Variants in RGL2 observed in about 807,000 individuals in gnomAD.
RGL2 encodes ral guanine nucleotide dissociation stimulator like 2.
In RGL2, 40 loss-of-function variants were observed where a neutral mutation model predicts 84.6. The observed-to-expected ratio is 0.47, with a 90% CI of 0.37 to 0.62. The LOEUF (loss-of-function observed/expected upper bound fraction) is 0.62, where lower values mean the gene tolerates loss of function less well. RGL2 is among the 20% of genes least tolerant of loss of function. The pLI is 0.00. For synonymous variants in RGL2, 369 were observed against 417.3 expected (o/e 0.88, Z 1.41); for missense variants, 865 against 1,019.7 (o/e 0.85, Z 2.07).
At position 33,298,166 on chromosome 6, in the gene RGL2, G is replaced by A. The variant is rs1434138807; in HGVS notation, c.156+289C>T. 5.8e-6 allele frequency: 2 copies of A among 343,982 alleles called. No individual in the cohort carries two copies. The highest frequency in any genetic ancestry group is 1.1e-5 in the Non-Finnish European group (2 of 185,342). 21.3% of individuals were successfully genotyped at this position (343,982 alleles called of 1,614,324 possible). On this transcript the variant is annotated intron_variant, in intron 2 of 17. Coordinates refer to ENST00000497454, the MANE Select transcript of RGL2 (RefSeq NM_004761.5). This position sits in a 1 kb window ranked among gnomAD's most constrained non-coding sequence, Gnocchi z 4.8. ...CAAGACACGACTGCTCAGAGAGGTA[G>A]GCACACTCAGGCAGGCAGAGGTGGA...
At position 33,296,314 on chromosome 6, in the gene RGL2, G is replaced by A. The variant is rs1767948407; in HGVS notation, c.482C>T (p.Ser161Phe). Residue 161 changes from serine (S) to phenylalanine (F), a missense_variant, in exon 6 of 18, where the codon TCT (serine) becomes TTT (phenylalanine). By Grantham distance (155) the Ser-to-Phe change is radical. This residue lies in a region of RGL2 where 455 missense variants were observed against 507.8 expected (regional missense o/e 0.90). Coordinates refer to ENST00000497454, the MANE Select transcript of RGL2 (RefSeq NM_004761.5). The surrounding 1 kb of genome is among the most constrained non-coding windows in gnomAD (Gnocchi z 5.0). ...ELERTTEVAI[S>F]VLSTWLASHP... ...AGAGGCCAGCCAGGTTGACAGTACA[G>A]AGATGGCTACCCTGGGAGAAGGGAA... is the stretch of plus-strand genomic sequence containing the variant. The A allele has an allele frequency of 5.0e-6, 8 of 1,611,942 alleles. No individual in the cohort carries two copies. The highest frequency in any genetic ancestry group is 6.8e-6 in the Non-Finnish European group (8 of 1,178,684).
Position 33,293,477 on chromosome 6 carries a change from C to T in RGL2, c.1652G>A (p.Arg551Gln), listed in dbSNP as rs757259333. Residue 551 changes from arginine (R) to glutamine (Q), a missense_variant, in exon 15 of 18, where the codon CGG becomes CAG. Physicochemically the swap from Arg to Gln is conservative, Grantham distance 43. Coordinates refer to ENST00000497454, the MANE Select transcript of RGL2 (RefSeq NM_004761.5). The surrounding 1 kb of genome is among the most constrained non-coding windows in gnomAD (Gnocchi z 7.0). ...CGCCTCATCTCCCCCAGTACTGGGC[C>T]GGTCACAGGACACAAGCGGGGTAGG... ...GVPTPLVSCD[R>Q]PSTGGDEAPT... The T allele has an allele frequency of 8.7e-6, 14 of 1,614,090 alleles. No individual in the cohort carries two copies. In the East Asian group the frequency reaches 8.9e-5, roughly 10 times the overall value.
At position 33,295,260 on chromosome 6, in the gene RGL2, C is replaced by G. The variant is rs941882137; in HGVS notation, c.1125-49G>C. 2.7e-5 allele frequency: 43 copies of G among 1,565,526 alleles called. No homozygotes were observed. The African/African-American group carries it at 3.5e-4, about 13-fold the overall frequency. On this transcript the variant is annotated intron_variant, in intron 8 of 17. Coordinates refer to ENST00000497454, the MANE Select transcript of RGL2 (RefSeq NM_004761.5). The surrounding 1 kb of genome is among the most constrained non-coding windows in gnomAD (Gnocchi z 7.2). ...CTGAGGACAGGCCTGGCTCTGTCAC[C>G]CCCTCTTCCCCGCCTTCTGAGGAAC...
chr6:33,296,868 C>T lies in RGL2; in HGVS notation c.241-92G>A. The stretch of plus-strand genomic sequence containing the variant: ...TCCCAGACCCAGGAGATGTTCCAGA[C>T]TCATTTTTCTGATATTCAGAGAGGG... On this transcript the variant is annotated intron_variant, in intron 3 of 17. Transcript: ENST00000497454. This position sits in a 1 kb window ranked among gnomAD's most constrained non-coding sequence, Gnocchi z 5.0. 6.4e-7 allele frequency: 1 copy of T among 1,564,798 alleles called. No individual in the cohort carries two copies. The highest frequency in any genetic ancestry group is 8.8e-7 in the Non-Finnish European group (1 of 1,136,008).
At chr6:33,300,475 C>G (rs1768470275), upstream of RGL2, 1 of 150,638 alleles carries the variant, frequency 6.6e-6, no homozygotes, top group South Asian at 2.1e-4. Context: ...TCCTGGCTAA[C>G]ACGGTGAAAC....
Position 33,298,551 on chromosome 6 carries a change from C to G in RGL2, c.60G>C (p.Leu20=), listed in dbSNP as rs1475258012. ...CGGGGTCCCGGCTTCGGAAGCTGCT[C>G]AGTACGACTCCCCCGGGGGGGCTCG... The part of the protein sequence containing the change: ...LDTSPPGGVV[L]SSFRSRDPEE... Residue 20 remains leucine (L), a synonymous_variant, in exon 2 of 18, where the codon CTG becomes CTC. Transcript: ENST00000497454. The surrounding 1 kb of genome is among the most constrained non-coding windows in gnomAD (Gnocchi z 4.8). 6.7e-7 allele frequency: 1 copy of G among 1,489,432 alleles called. No individual in the cohort carries two copies. The highest frequency in any genetic ancestry group is 8.9e-7 in the Non-Finnish European group (1 of 1,121,048). 92.3% of individuals were successfully genotyped at this position (1,489,432 alleles called of 1,614,324 possible). A position where few individuals can be genotyped will look rare whatever the true frequency, so the allele number is the denominator to read the frequency against.
At chr6:33,301,590 GAAAAATT>G, upstream of RGL2, 1 of 558,060 alleles carries the variant, frequency 1.8e-6, no homozygotes, top group Non-Finnish European at 3.1e-6. Context: ...AAAAAAAAAA[GAAAAATT>G]ATCCCTTATA....
Position 33,295,130 on chromosome 6 carries a change from C to A in RGL2, c.1206G>T (p.Val402=), listed in dbSNP as rs1383917181. The change falls in exon 9 of 18, where the codon GTG becomes GTT. Residue 402 remains valine, a synonymous_variant. Coordinates refer to ENST00000497454, the MANE Select transcript of RGL2 (RefSeq NM_004761.5). This position sits in a 1 kb window ranked among gnomAD's most constrained non-coding sequence, Gnocchi z 7.2. ...ATGCCACAAACCAGGCTCTCACCTG[C>A]ACGAGCAGCTCCCGACTCTGGGAAT... ...DNYSQSRELL[V]QEVKLQSPLE... 6.2e-7 allele frequency: 1 copy of A among 1,606,904 alleles called. No individual in the cohort carries two copies. Among genetic ancestry groups the A allele is most frequent in the South Asian group, 1.1e-5 (1 of 89,716 alleles).
rs758256190 is a variant in RGL2 at position 33,292,195 on chromosome 6, CG to C, written c.2240del (p.Pro747ArgfsTer50). The C allele has an allele frequency of 6.2e-7, 1 of 1,614,186 alleles. No individual in the cohort carries two copies. The highest frequency in any genetic ancestry group is 1.1e-5 in the South Asian group (1 of 91,086). Reference sequence around the variant, plus strand: ...CACTCGGAGGAGTTCCTGAGGCAGACGGGCCACTGGTGACGCCAGGTGTAGC... The same window carrying C: ...CACTCGGAGGAGTTCCTGAGGCAGACGGCCACTGGTGACGCCAGGTGTAGC... The part of the protein sequence containing the change: ...STATPGVTSG[P>X]SASGTPPSEG... On this transcript the variant is annotated frameshift_variant, in exon 18 of 18. Coordinates refer to ENST00000497454, the MANE Select transcript of RGL2 (RefSeq NM_004761.5). LOFTEE classifies it high-confidence loss of function.
chr6:33,297,063 G>A lies in RGL2; in HGVS notation c.209C>T (p.Thr70Ile), dbSNP rs1768045807. The change falls in exon 3 of 18, where the codon ACA (threonine) becomes ATA (isoleucine). Residue 70 changes from threonine (T) to isoleucine (I), a missense_variant. Around this residue, in one of 5 missense-constraint regions of RGL2, gnomAD observed 455 missense variants for 507.8 expected, o/e 0.90. Coordinates refer to ENST00000497454, the MANE Select transcript of RGL2 (RefSeq NM_004761.5). The surrounding 1 kb of genome is among the most constrained non-coding windows in gnomAD (Gnocchi z 4.0). ...EEEDGAVFTV[T>I]SRQYRPLDPL... ...ATCAAGAGGTCGATATTGGCGGCTTGTGACGGTAAACACGGCACCATCCTC... is the reference window on the plus strand; with the variant it reads ...ATCAAGAGGTCGATATTGGCGGCTTATGACGGTAAACACGGCACCATCCTC... 19 of 1,577,086 alleles carry A rather than the reference G, an allele frequency of 1.2e-5. No individual in the cohort carries two copies. Among genetic ancestry groups the A allele is most frequent in the Non-Finnish European group, 1.5e-5 (18 of 1,163,796 alleles).
Position 33,296,335 on chromosome 6 carries a change from G to C in RGL2, c.471-10C>G. On this transcript the variant is annotated splice_polypyrimidine_tract_variant and intron_variant, in intron 5 of 17. Transcript: ENST00000497454. This position sits in a 1 kb window ranked among gnomAD's most constrained non-coding sequence, Gnocchi z 5.0. Reference sequence around the variant, plus strand: ...TACAGAGATGGCTACCCTGGGAGAAGGGAATCAGCCAAGGGTGAGAGGTAA... The same window carrying C: ...TACAGAGATGGCTACCCTGGGAGAACGGAATCAGCCAAGGGTGAGAGGTAA... The C allele has an allele frequency of 6.2e-7, 1 of 1,608,600 alleles. No homozygotes were observed. The highest frequency in any genetic ancestry group is 8.5e-7 in the Non-Finnish European group (1 of 1,176,784).
At position 33,298,647 on chromosome 6, in the gene RGL2, G is replaced by A; in HGVS notation, c.-37C>T. On this transcript the variant is annotated 5_prime_UTR_variant, in exon 2 of 18. Transcript: ENST00000497454. The surrounding 1 kb of genome is among the most constrained non-coding windows in gnomAD (Gnocchi z 4.8). ...GGAATCAGCGGGGTCGGGCCATGGG[G>A]GCGCCTGGGGAGAGACGGGGTGGGG... is the stretch of plus-strand genomic sequence containing the variant. 1 of 1,409,804 alleles carries A rather than the reference G, an allele frequency of 7.1e-7. No individual in the cohort carries two copies. Among genetic ancestry groups the A allele is most frequent in the Non-Finnish European group, 9.3e-7 (1 of 1,077,510 alleles). 87.3% of individuals were successfully genotyped at this position (1,409,804 alleles called of 1,614,324 possible). A position where few individuals can be genotyped will look rare whatever the true frequency, so the allele number is the denominator to read the frequency against.
Position 33,296,404 on chromosome 6 carries a change from G to A in RGL2, c.470+10C>T, listed in dbSNP as rs370214331. ...GGGGACTGTGAGATTAAGAACCAGG[G>A]GTCACTCACTCTGTTGTCCTCTCTA... On this transcript the variant is annotated intron_variant, in intron 5 of 17. Transcript: ENST00000497454. The surrounding 1 kb of genome is among the most constrained non-coding windows in gnomAD (Gnocchi z 5.0). The A allele has an allele frequency of 6.8e-6, 11 of 1,610,102 alleles. No individual in the cohort carries two copies. In the African/African-American group the frequency reaches 1.5e-4, roughly 22 times the overall value.
Position 33,294,833 on chromosome 6 carries a change from C to G in RGL2, c.1279-71G>C. On this transcript the variant is annotated intron_variant, in intron 10 of 17. Transcript: ENST00000497454. The surrounding 1 kb of genome is among the most constrained non-coding windows in gnomAD (Gnocchi z 5.0). The stretch of plus-strand genomic sequence containing the variant: ...GGCCCTCCATCCCTCCGCACTTGCC[C>G]TCCTCATTGCCTCAGAGAACAGATT... The G allele has an allele frequency of 6.5e-7, 1 of 1,538,652 alleles. No individual in the cohort carries two copies. Among genetic ancestry groups the G allele is most frequent in the South Asian group, 1.2e-5 (1 of 86,456 alleles).
Position 33,298,931 on chromosome 6 carries a change from C to G in RGL2, c.-103G>C, listed in dbSNP as rs2150949204. The G allele has an allele frequency of 3.7e-6, 1 of 267,062 alleles. No homozygotes were observed. The highest frequency in any genetic ancestry group is 1.3e-4 in the South Asian group (1 of 7,542). 16.5% of individuals were successfully genotyped at this position (267,062 alleles called of 1,614,324 possible). A position where few individuals can be genotyped will look rare whatever the true frequency, so the allele number is the denominator to read the frequency against. On this transcript the variant is annotated 5_prime_UTR_variant, in exon 1 of 18. Transcript: ENST00000497454. This position sits in a 1 kb window ranked among gnomAD's most constrained non-coding sequence, Gnocchi z 4.8. ...CCGCTGTTGCCGTCGGTCTCCGGCC[C>G]CGGACCGAGTCCCCTCCCCGGCTTT...
upstream of RGL2, chr6:33,299,963 T>C (rs1443224215): frequency 3.3e-5 from 5 of 153,552 alleles, no homozygotes; most frequent in Admixed American, 3.3e-4. This position sits in a 1 kb window ranked among gnomAD's most constrained non-coding sequence, Gnocchi z 5.0. Context: ...ACACGATCAC[T>C]TAAATACAAC....
rs1009041096 is a variant in RGL2 at position 33,296,542 on chromosome 6, G to A, written c.419+56C>T. The A allele has an allele frequency of 1.6e-5, 25 of 1,585,230 alleles. No homozygotes were observed. The Admixed American group carries it at 1.6e-4, about 10-fold the overall frequency. On this transcript the variant is annotated intron_variant, in intron 4 of 17. Transcript: ENST00000497454. The surrounding 1 kb of genome is among the most constrained non-coding windows in gnomAD (Gnocchi z 5.0). ...TTTGACTATTTTGGTGGGATGTTGC[G>A]GCTTTAGGAAATCCGGGCAGATACT...
In RGL2 at chr6:33,295,956, G is replaced by A. The variant is rs946080128; in HGVS notation, c.768+72C>T. On this transcript the variant is annotated intron_variant, in intron 6 of 17. Transcript: ENST00000497454. The surrounding 1 kb of genome is among the most constrained non-coding windows in gnomAD (Gnocchi z 7.2). ...CTGGATCAGGAAGGGGTGGAAGCAAGGAAAGGATCTGGAGTCAAGGAGAGG... is the reference window on the plus strand; with the variant it reads ...CTGGATCAGGAAGGGGTGGAAGCAAAGAAAGGATCTGGAGTCAAGGAGAGG... The A allele has an allele frequency of 1.9e-6, 3 of 1,568,596 alleles. No homozygotes were observed. The highest frequency in any genetic ancestry group is 2.7e-5 in the African/African-American group (2 of 74,048).
Position 33,294,182 on chromosome 6 carries a change from C to T in RGL2, c.1354-116G>A, listed in dbSNP as rs1439665918. 19 of 1,273,694 alleles carry T rather than the reference C, an allele frequency of 1.5e-5. No individual in the cohort carries two copies. The highest frequency in any genetic ancestry group is 2.0e-5 in the Non-Finnish European group (18 of 910,118). 78.9% of individuals were successfully genotyped at this position (1,273,694 alleles called of 1,614,324 possible). A position where few individuals can be genotyped will look rare whatever the true frequency, so the allele number is the denominator to read the frequency against. Reference sequence around the variant, plus strand: ...CATCCAACTCACAACCACTTCCCTCCAGCCTCTCTGACTCTTCGATCCCTC... The same window carrying T: ...CATCCAACTCACAACCACTTCCCTCTAGCCTCTCTGACTCTTCGATCCCTC... On this transcript the variant is annotated intron_variant, in intron 11 of 17. Coordinates refer to ENST00000497454, the MANE Select transcript of RGL2 (RefSeq NM_004761.5). The surrounding 1 kb of genome is among the most constrained non-coding windows in gnomAD (Gnocchi z 5.0).
Sources: gnomAD v4.1 joint callset for allele counts on GRCh38, gnomAD v4.1.1 for gene constraint, gnomAD v4.1.1 regional missense constraint, Gnocchi (gnomAD v3.1) non-coding constraint, MANE v1.5 for transcripts, NCBI Gene and HGNC (gene_info 2026-07-23, HGNC 2026-07-21) for gene names.